Variants in SPOCK1 observed in about 807,000 individuals in gnomAD.
The protein encoded by SPOCK1 is testican-1.
In SPOCK1, 23 loss-of-function variants were observed where a neutral mutation model predicts 55.3. That is an observed-to-expected ratio of 0.42 (90% CI 0.30 to 0.59). SPOCK1 has a LOEUF of 0.59. SPOCK1 is among the 20% of genes least tolerant of loss of function. The pLI is 0.22. For synonymous variants in SPOCK1, 226 were observed against 221.0 expected (o/e 1.02, Z -0.20); for missense variants, 499 against 552.5 (o/e 0.90, Z 0.97).
At chr5:137,018,948 G>A (rs1353779560) in intron 6 of SPOCK1, among the ~76,000 whole-genome samples, 1 of 152,072 alleles carries the variant, frequency 6.6e-6, no homozygotes, top group Admixed American at 6.6e-5. Flanking sequence ...CAAAGGCAAC[G>A]AGCAAATGCT....
intron 3 of SPOCK1, among the ~76,000 whole-genome samples, chr5:137,228,176 A>G (rs190745468): frequency 3.1e-4 from 47 of 152,316 alleles, no homozygotes; most frequent in African/African-American, 1.0e-3. Context: ...AACTGCAGAG[A>G]TGGCTTCAGC....
rs930384974 is a variant in SPOCK1, at chr5:137,420,975, C to T, written c.186+77398G>A. ...CTCTACATACTGCTTTGAATGTGTC[C>T]CAGAGATTCTGGTATGTTGTGTCTT... On this transcript the variant is annotated intron_variant, in intron 2 of 10. Transcript: ENST00000394945. 8.5e-4 allele frequency among the ~76,000 whole-genome samples: 129 copies of T among 152,190 alleles called. 1 individual carries two copies. Among genetic ancestry groups the T allele is most frequent in the African/African-American group, 2.9e-3 (121 of 41,522 alleles).
chr5:137,383,774 C>A (rs1395660050), intron 2 of SPOCK1, among the ~76,000 whole-genome samples: 1 of 152,240 alleles, frequency 6.6e-6, no homozygotes, highest in Non-Finnish European at 1.5e-5. Context: ...ACAGCTGCAG[C>A]TCTCAGGACA....
intron 5 of SPOCK1, among the ~76,000 whole-genome samples, chr5:137,108,830 C>T (rs977130207): frequency 1.3e-5 from 2 of 152,190 alleles, no homozygotes; most frequent in Admixed American, 6.5e-5. Context: ...GAAGTCATTG[C>T]AAAGGGGTCT....
chr5:137,486,765 A>G (rs1754066257), intron 2 of SPOCK1, among the ~76,000 whole-genome samples: 1 of 152,230 alleles, frequency 6.6e-6, no homozygotes. Flanking sequence ...AAATCTCACA[A>G]TTTCTCTAAC....
At chr5:137,359,352 C>T (rs1010623569) in intron 2 of SPOCK1, among the ~76,000 whole-genome samples, 6 of 152,204 alleles carry the variant, frequency 3.9e-5, no homozygotes, top group East Asian at 1.9e-4. Flanking sequence ...TCATTATCAC[C>T]TCCCTCTCTG....
chr5:137,298,836 G>A (rs1386034663), intron 2 of SPOCK1, among the ~76,000 whole-genome samples: 1 of 151,918 alleles, frequency 6.6e-6, no homozygotes, highest in African/African-American at 2.4e-5. Flanking sequence ...TAGTTTGCAT[G>A]GTATATATTT....
At chr5:137,312,476 C>T (rs1009770432) in intron 2 of SPOCK1, among the ~76,000 whole-genome samples, 1 of 152,182 alleles carries the variant, frequency 6.6e-6, no homozygotes, top group African/African-American at 2.4e-5. Flanking sequence ...AACCCTTTGT[C>T]ACCACACTGG....
intron 2 of SPOCK1, among the ~76,000 whole-genome samples, chr5:137,347,170 A>G (rs1035384543): frequency 6.6e-6 from 1 of 151,984 alleles, no homozygotes; most frequent in Admixed American, 6.6e-5. Flanking sequence ...CAATCCAATC[A>G]TGTTTTCAAA....
At chr5:137,220,071 G>A (rs573046873) in intron 3 of SPOCK1, among the ~76,000 whole-genome samples, 12 of 152,228 alleles carry the variant, frequency 7.9e-5, no homozygotes, top group Non-Finnish European at 1.5e-4. Flanking sequence ...CCATCTAGTG[G>A]GGGTCAGTTG....
rs1750662747 is a variant in SPOCK1, at chr5:136,978,633, G to C, written c.*21C>G. On this transcript the variant is annotated 3_prime_UTR_variant, in exon 11 of 11. Transcript: ENST00000394945. The stretch of plus-strand genomic sequence containing the variant: ...TGACTTGCAATTTTGTGCAAAACTT[G>C]TGTCCTCTTTCTTGTGGGCACTACC... The C allele has an allele frequency of 6.4e-7, 1 of 1,571,860 alleles. No homozygotes were observed. The highest frequency in any genetic ancestry group is 1.4e-5 in the African/African-American group (1 of 73,332).
At chr5:136,988,728 A>C (rs1054718458) in intron 7 of SPOCK1, 85 bp from the exon 8 acceptor site, 18 of 1,291,136 alleles carry the variant, frequency 1.4e-5, no homozygotes, top group Non-Finnish European at 1.8e-5. Context: ...CCCCAAGAAG[A>C]TGCCAAGGCC....
At chr5:137,221,013 C>T (rs986408259) in intron 3 of SPOCK1, among the ~76,000 whole-genome samples, 10 of 152,170 alleles carry the variant, frequency 6.6e-5, no homozygotes, top group African/African-American at 1.9e-4. Context: ...GCCACAGAAA[C>T]GTGGCCAGCA....
chr5:137,264,909 G>A (rs1044471743), intron 3 of SPOCK1, among the ~76,000 whole-genome samples: 2 of 152,096 alleles, frequency 1.3e-5, no homozygotes, highest in South Asian at 2.1e-4. Flanking sequence ...AATAGCCAAC[G>A]GCAGCTACCC....
At chr5:137,443,623 C>T (rs1753062646) in intron 2 of SPOCK1, among the ~76,000 whole-genome samples, 1 of 152,176 alleles carries the variant, frequency 6.6e-6, no homozygotes, top group Non-Finnish European at 1.5e-5. Flanking sequence ...CTAAAACAAA[C>T]TTCAACTGCA....
intron 2 of SPOCK1, among the ~76,000 whole-genome samples, chr5:137,465,365 G>A (rs1414351380): frequency 6.6e-6 from 1 of 151,898 alleles, no homozygotes. Flanking sequence ...GAACACCATG[G>A]GCAAAGCAAA....
At chr5:137,304,628 G>A (rs1445980073) in intron 2 of SPOCK1, among the ~76,000 whole-genome samples, 3 of 152,106 alleles carry the variant, frequency 2.0e-5, no homozygotes, top group Non-Finnish European at 4.4e-5. Context: ...GGTAAGGGAG[G>A]CAGCTTCCCC....
At chr5:137,185,712 G>GGGTGCCA (rs60104421) in intron 3 of SPOCK1, among the ~76,000 whole-genome samples, 2 of 152,084 alleles carry the variant, frequency 1.3e-5, no homozygotes, top group African/African-American at 4.8e-5. Flanking sequence ...CCAGGGTGCC[G>GGGTGCCA]AGAGGAGGCT....
At chr5:137,111,568 C>G (rs181555236) in intron 5 of SPOCK1, among the ~76,000 whole-genome samples, 32 of 152,256 alleles carry the variant, frequency 2.1e-4, no homozygotes, top group Admixed American at 1.7e-3. Flanking sequence ...GAAGCAAACT[C>G]CTATCAATTC....
Sources: gnomAD v4.1 joint callset for allele counts (sites outside exome capture counted in the v4.1 genomes callset) on GRCh38, gnomAD v4.1.1 for gene constraint, MANE v1.5 for transcripts, NCBI Gene and HGNC (gene_info 2026-07-23, HGNC 2026-07-21) for gene names.